Variants in PCDHA1 observed in about 807,000 individuals in gnomAD.
PCDHA1 encodes the protein protocadherin alpha 1.
A neutral mutation model predicts 61.3 loss-of-function variants in PCDHA1; 42 were observed. That is an observed-to-expected ratio of 0.69 (90% CI 0.54 to 0.89). PCDHA1 has a LOEUF of 0.89. Among genes scored for constraint, PCDHA1 ranks in the 40% least tolerant of loss-of-function variants. The pLI, the probability that PCDHA1 is intolerant of heterozygous loss-of-function variation, is 0.00. For synonymous variants in PCDHA1, 610 were observed against 553.8 expected, an observed-to-expected ratio of 1.10 and a Z score of -1.43; for missense variants, 1,256 against 1,235.3, an observed-to-expected ratio of 1.02 and a Z score of -0.25.
chr5:140,945,709 G>C (rs1033770128), intron 1 of PCDHA1, among the ~76,000 whole-genome samples: 4 of 151,930 alleles, frequency 2.6e-5, no homozygotes, highest in Admixed American at 1.3e-4. Flanking sequence ...TGCAACAAAA[G>C]TATCAAGAAT....
chr5:140,841,468 G>A, intron 1 of PCDHA1: 1 of 1,612,986 alleles, frequency 6.2e-7, no homozygotes, highest in Non-Finnish European at 8.5e-7. Context: ...GCCGGATCGC[G>A]CAGGACCTGG....
At chr5:140,961,384 A>G (rs568973458) in intron 1 of PCDHA1, among the ~76,000 whole-genome samples, 44 of 152,302 alleles carry the variant, frequency 2.9e-4, no homozygotes, top group Non-Finnish European at 5.7e-4. Flanking sequence ...AGTTTGAACT[A>G]TTCCATTAGT....
chr5:140,858,733 C>A (rs984187341), intron 1 of PCDHA1: 4 of 475,092 alleles, frequency 8.4e-6, no homozygotes, highest in African/African-American at 8.1e-5. Context: ...TGACGATTTA[C>A]TTTCATAATC....
chr5:140,987,363 T>C (rs1269772618), intron 3 of PCDHA1, among the ~76,000 whole-genome samples: 1 of 152,218 alleles, frequency 6.6e-6, no homozygotes, highest in Non-Finnish European at 1.5e-5. Flanking sequence ...GGTTGTCTTA[T>C]ATCATTACAG....
At chr5:140,957,473 GA>G (rs1446179332) in intron 1 of PCDHA1, among the ~76,000 whole-genome samples, 1 of 151,954 alleles carries the variant, frequency 6.6e-6, no homozygotes, top group Non-Finnish European at 1.5e-5. Context: ...GTATGTATAG[GA>G]AAAAACATAG....
intron 1 of PCDHA1, among the ~76,000 whole-genome samples, chr5:140,881,806 C>G (rs545752672): frequency 1.3e-5 from 2 of 152,238 alleles, no homozygotes; most frequent in African/African-American, 4.8e-5. Context: ...AAACGAGTGT[C>G]GAATATTCTT....
chr5:140,803,399 G>A (rs567171951), intron 1 of PCDHA1: 2 of 1,614,230 alleles, frequency 1.2e-6, no homozygotes, highest in African/African-American at 1.3e-5. Context: ...ACTGTGGGCC[G>A]GGCAAGCCCA....
chr5:140,928,645 G>A (rs782494285), intron 1 of PCDHA1: 4 of 1,614,084 alleles, frequency 2.5e-6, no homozygotes, highest in Non-Finnish European at 2.5e-6. Context: ...AAAAGTGGTA[G>A]CAGAGGATGC....
chr5:140,817,846 T>G (rs1371942730), intron 1 of PCDHA1, among the ~76,000 whole-genome samples: 1 of 152,238 alleles, frequency 6.6e-6, no homozygotes, highest in East Asian at 1.9e-4. Flanking sequence ...ACTATCACTT[T>G]TGAGAAACAG....
chr5:140,856,660 T>C, intron 1 of PCDHA1: 1 of 1,597,974 alleles, frequency 6.3e-7, no homozygotes, highest in Non-Finnish European at 8.6e-7. Flanking sequence ...GTGAAGAAAA[T>C]CCTCAGCTAA....
At chr5:140,805,979 A>C (rs138393072) in intron 1 of PCDHA1, among the ~76,000 whole-genome samples, 452 of 152,300 alleles carry the variant, frequency 3.0e-3, no homozygotes, top group African/African-American at 0.011. Flanking sequence ...TCCCTTTAAA[A>C]TATATATTCC....
At chr5:141,007,426 G>A (rs1255100179) in intron 3 of PCDHA1, among the ~76,000 whole-genome samples, 4 of 151,118 alleles carry the variant, frequency 2.6e-5, no homozygotes, top group Non-Finnish European at 5.9e-5. Flanking sequence ...AAATTAGCCA[G>A]GCATGGTGGC....
chr5:140,788,371 T>A lies in PCDHA1; in HGVS notation c.2081T>A (p.Val694Glu). The change falls in exon 1 of 4, where the codon GTG becomes GAG. Residue 694 changes from valine (V) to glutamate (E), a missense_variant. Coordinates refer to ENST00000504120, the MANE Select transcript of PCDHA1 (RefSeq NM_018900.4). ...GTCGCGGGCCCAGAGGCGGCGCTGG[T>A]GGATGTCAACGTGTACCTGATCATC... The part of the protein sequence containing the change: ...VGVAGPEAAL[V>E]DVNVYLIIAI... 6.2e-7 allele frequency: 1 copy of A among 1,613,888 alleles called. No homozygotes were observed. The highest frequency in any genetic ancestry group is 8.5e-7 in the Non-Finnish European group (1 of 1,179,952).
rs186232239 is a variant in PCDHA1, at chr5:140,924,849, C to T, written c.2395-54100C>T. On this transcript the variant is annotated intron_variant, in intron 1 of 3. Coordinates refer to ENST00000504120, the MANE Select transcript of PCDHA1 (RefSeq NM_018900.4). ...GGGGGAGGTTGCAGGGAGCTCAGAT[C>T]GTGCCACTGCACTCCAGCCTGGGTG... 8.0e-3 allele frequency among the ~76,000 whole-genome samples: 1,208 copies of T among 150,322 alleles called. 6 individuals are homozygous for T. Among genetic ancestry groups the T allele is most frequent in the African/African-American group, 0.019 (780 of 40,670 alleles).
intron 1 of PCDHA1, among the ~76,000 whole-genome samples, chr5:140,839,496 C>G (rs1776254419): frequency 6.6e-6 from 1 of 151,958 alleles, no homozygotes; most frequent in African/African-American, 2.4e-5. Context: ...CTCAAGTGAT[C>G]TTCCTACCTC....
intron 1 of PCDHA1, chr5:140,828,594 TA>T: frequency 6.2e-7 from 1 of 1,614,242 alleles, no homozygotes; most frequent in Non-Finnish European, 8.5e-7. Flanking sequence ...AATTCCATCT[TA>T]ACCTATAAAC....
chr5:140,795,112 C>T (rs1554119265), intron 1 of PCDHA1: 3 of 1,614,064 alleles, frequency 1.9e-6, no homozygotes, highest in East Asian at 2.2e-5. Flanking sequence ...CCGCATCGCG[C>T]AGGACCTGGG....
chr5:140,809,749 C>G (rs1248056700), intron 1 of PCDHA1: 1 of 653,570 alleles, frequency 1.5e-6, no homozygotes, highest in Non-Finnish European at 2.5e-6. Flanking sequence ...ATATTGCCTT[C>G]CTTCATTTTA....
chr5:140,921,471 A>G (rs2080231314), intron 1 of PCDHA1, among the ~76,000 whole-genome samples: 1 of 152,182 alleles, frequency 6.6e-6, no homozygotes, highest in Non-Finnish European at 1.5e-5. Context: ...ACCACTACCA[A>G]ACCACTCTAC....
Sources: gnomAD v4.1 joint callset for allele counts (sites outside exome capture counted in the v4.1 genomes callset) on GRCh38, gnomAD v4.1.1 for gene constraint, MANE v1.5 for transcripts, NCBI Gene and HGNC (gene_info 2026-07-23, HGNC 2026-07-21) for gene names.